The following MGAT5B variants were observed in gnomAD, a reference collection of about 807,000 sequenced individuals.
The protein encoded by MGAT5B is alpha-1,6-mannosylglycoprotein 6-beta-N-acetylglucosaminyltransferase B, also known as N-acetylglucosaminyl-transferase Vb.
In MGAT5B, 54 loss-of-function variants were observed where a neutral mutation model predicts 95.1. That is an observed-to-expected ratio of 0.57 (90% CI 0.46 to 0.71). The LOEUF (loss-of-function observed/expected upper bound fraction) is 0.71. Among genes scored for constraint, MGAT5B ranks in the 30% least tolerant of loss-of-function variants. MGAT5B has a pLI of 0.00. For missense variants in MGAT5B, 935 were observed against 1,088.6 expected, an observed-to-expected ratio of 0.86 and a Z score of 1.99; for synonymous variants, 464 against 451.0, an observed-to-expected ratio of 1.03 and a Z score of -0.36.
At chr17:76,933,349 C>G in intron 12 of MGAT5B, 52 bp downstream of exon 12, 4 of 1,595,338 alleles carry the variant, frequency 2.5e-6, no homozygotes, top group Non-Finnish European at 3.4e-6. Context: ...CCCTTCCCCT[C>G]TCCAGCAGCC....
chr17:76,903,799 G>C (rs1968413106), intron 5 of MGAT5B, among the ~76,000 whole-genome samples: 1 of 152,242 alleles, frequency 6.6e-6, no homozygotes, highest in Non-Finnish European at 1.5e-5. Context: ...CCTAAGGGGT[G>C]GGCGGTGGTG....
chr17:76,906,401 A>G lies in MGAT5B; in HGVS notation c.1025+214A>G, dbSNP rs890989069. ...CTTGGGGGATGTGGCAGGGAAGTGT[A>G]TTTGCATAGCGCTGTCTGGCCAGGG... On this transcript the variant is annotated intron_variant, in intron 8 of 17. Coordinates refer to ENST00000569840, the MANE Select transcript of MGAT5B (RefSeq NM_001199172.2). The surrounding 1 kb of genome is among the most constrained non-coding windows in gnomAD (Gnocchi z 4.6). Among the ~76,000 whole-genome samples, 1 of 151,982 alleles carries G rather than the reference A, an allele frequency of 6.6e-6. No homozygotes were observed. Among genetic ancestry groups the G allele is most frequent in the East Asian group, 1.9e-4 (1 of 5,176 alleles).
chr17:76,892,144 C>T (rs989179092), intron 3 of MGAT5B, among the ~76,000 whole-genome samples: 4 of 152,044 alleles, frequency 2.6e-5, no homozygotes, highest in Non-Finnish European at 4.4e-5. Context: ...ACCTTCTGGG[C>T]TCAAGCAATC....
chr17:76,920,473 A>G (rs1022446973), intron 8 of MGAT5B, among the ~76,000 whole-genome samples: 5 of 152,206 alleles, frequency 3.3e-5, no homozygotes, highest in African/African-American at 9.7e-5. Context: ...AAAATTGCCC[A>G]TGAAAGTAAA....
rs958944843 is a variant in MGAT5B at position 76,912,944 on chromosome 17, C to A, written c.1025+6757C>A. 3.9e-5 allele frequency among the ~76,000 whole-genome samples: 6 copies of A among 152,214 alleles called. No homozygotes were observed. Among genetic ancestry groups the A allele is most frequent in the Non-Finnish European group, 7.3e-5 (5 of 68,038 alleles). ...TCCTGCTTTCCTAGCATCAGCTGTG[C>A]TCATCAATTTTATTTGCACAATTTC... On this transcript the variant is annotated intron_variant, in intron 8 of 17. Coordinates refer to ENST00000569840, the MANE Select transcript of MGAT5B (RefSeq NM_001199172.2). This position sits in a 1 kb window ranked among gnomAD's most constrained non-coding sequence, Gnocchi z 5.0.
chr17:76,877,772 C>A (rs1967247192), intron 2 of MGAT5B, among the ~76,000 whole-genome samples: 1 of 152,108 alleles, frequency 6.6e-6, no homozygotes, highest in African/African-American at 2.4e-5. Context: ...TCTCTGCTTT[C>A]TGGAGAGATG....
At chr17:76,942,518 C>T (rs1230831021) in intron 15 of MGAT5B, among the ~76,000 whole-genome samples, 1 of 152,068 alleles carries the variant, frequency 6.6e-6, no homozygotes, top group African/African-American at 2.4e-5. Context: ...CAGAGCGAGA[C>T]TCCATCTCAA....
Position 76,905,161 on chromosome 17 carries a change from C to A in MGAT5B, c.691-8C>A. On this transcript the variant is annotated splice_region_variant and splice_polypyrimidine_tract_variant and intron_variant, in intron 6 of 17. Transcript: ENST00000569840. This position sits in a 1 kb window ranked among gnomAD's most constrained non-coding sequence, Gnocchi z 4.2. ...AGGGGCAGAGAGCTGAGGTCTGGAC[C>A]CCTCCAGGCAGTTTTCCGAAGCAAC... 1 of 1,604,234 alleles carries A rather than the reference C, an allele frequency of 6.2e-7. No homozygotes were observed. Among genetic ancestry groups the A allele is most frequent in the Middle Eastern group, 1.7e-4 (1 of 6,030 alleles).
At chr17:76,932,334 A>G (rs1009220559) in intron 10 of MGAT5B, among the ~76,000 whole-genome samples, 48 of 151,888 alleles carry the variant, frequency 3.2e-4, no homozygotes, top group South Asian at 1.0e-3. Flanking sequence ...GGGTCTCACT[A>G]TGTTGCCCAG....
chr17:76,924,981 G>T lies in MGAT5B; in HGVS notation c.1041G>T (p.Pro347=), dbSNP rs114240204. The T allele has an allele frequency of 3.1e-6, 5 of 1,611,842 alleles. No homozygotes were observed. The Admixed American group carries it at 5.0e-5, about 16-fold the overall frequency. ...LKELQSNLGV[P]PGRGSCPLTM... ...CTTCTCTCAGTAACTTAGGGGTACC[G>T]CCAGGCCGGGGAAGCTGCCCGCTCA... is the stretch of plus-strand genomic sequence containing the variant. Residue 347 remains proline (P), a synonymous_variant, in exon 9 of 18, where the codon CCG becomes CCT. Transcript: ENST00000569840.
chr17:76,896,369 T>C lies in MGAT5B; in HGVS notation c.330-6186T>C, dbSNP rs1968063931. 2.0e-5 allele frequency among the ~76,000 whole-genome samples: 3 copies of C among 152,366 alleles called. No individual in the cohort carries two copies. In the South Asian group the frequency reaches 6.2e-4, roughly 32 times the overall value. On this transcript the variant is annotated intron_variant, in intron 3 of 17. Coordinates refer to ENST00000569840, the MANE Select transcript of MGAT5B (RefSeq NM_001199172.2). ...TAAATCAGACAGATGCCATCTGCAC[T>C]ATTTAAAGCCTGTGCTGGCGATGGG...
rs778798100 is a variant in MGAT5B, at chr17:76,948,760, C to T, written c.2301C>T (p.Ser767=). 56 of 1,611,090 alleles carry T rather than the reference C, an allele frequency of 3.5e-5. No homozygotes were observed. Among genetic ancestry groups the T allele is most frequent in the Non-Finnish European group, 7.6e-6 (9 of 1,179,150 alleles). Residue 767 remains serine, a synonymous_variant, in exon 18 of 18, where the codon TCC becomes TCT. Coordinates refer to ENST00000569840, the MANE Select transcript of MGAT5B (RefSeq NM_001199172.2). ...CTCTGCTCTTCAGCTGCGCCGGCTC[C>T]AACACCAAGTACCGCCGGCTCTGCC... ...KEPLLFSCAG[S]NTKYRRLCPC...
chr17:76,886,918 C>A (rs1186145458), intron 3 of MGAT5B, among the ~76,000 whole-genome samples: 1 of 152,148 alleles, frequency 6.6e-6, no homozygotes, highest in Non-Finnish European at 1.5e-5. Context: ...GTGGCACATG[C>A]CTGTAGTCTC....
chr17:76,918,007 C>T lies in MGAT5B; in HGVS notation c.1026-6959C>T, dbSNP rs151244463. Among the ~76,000 whole-genome samples the T allele has an allele frequency of 0.016, 2,382 of 152,304 alleles. 48 individuals are homozygous for T. The highest frequency in any genetic ancestry group is 0.054 in the African/African-American group (2,236 of 41,554). On this transcript the variant is annotated intron_variant, in intron 8 of 17. Coordinates refer to ENST00000569840, the MANE Select transcript of MGAT5B (RefSeq NM_001199172.2). The surrounding 1 kb of genome is among the most constrained non-coding windows in gnomAD (Gnocchi z 5.1). ...TTCCTGCAGCCGTGCTGGCAGCCAGCGGGGTGAGTGTGTGGTCTCCTCCAG... is the reference window on the plus strand; with the variant it reads ...TTCCTGCAGCCGTGCTGGCAGCCAGTGGGGTGAGTGTGTGGTCTCCTCCAG...
At chr17:76,909,359 C>G (rs925303471) in intron 8 of MGAT5B, among the ~76,000 whole-genome samples, 1 of 152,236 alleles carries the variant, frequency 6.6e-6, no homozygotes, top group Non-Finnish European at 1.5e-5. Flanking sequence ...CTCCCCACCA[C>G]ATTTGATGAG....
chr17:76,876,171 A>G (rs948974550), intron 2 of MGAT5B, among the ~76,000 whole-genome samples: 17 of 152,168 alleles, frequency 1.1e-4, no homozygotes, highest in African/African-American at 4.1e-4. Context: ...CTGCAAGAGA[A>G]GCCCCTCAAA....
chr17:76,933,160 T>C (rs1969549555), intron 11 of MGAT5B, 132 bp from the exon 12 acceptor site: 1 of 1,092,040 alleles, frequency 9.2e-7, no homozygotes, highest in Non-Finnish European at 1.4e-6. Flanking sequence ...AGGAGAGGCT[T>C]AGAGATTAGA....
chr17:76,918,552 A>AC lies in MGAT5B; in HGVS notation c.1026-6410dup, dbSNP rs1274312540. Among the ~76,000 whole-genome samples the AC allele has an allele frequency of 6.6e-6, 1 of 151,936 alleles. No individual in the cohort carries two copies. The highest frequency in any genetic ancestry group is 2.4e-5 in the African/African-American group (1 of 41,362). On this transcript the variant is annotated intron_variant, in intron 8 of 17. Coordinates refer to ENST00000569840, the MANE Select transcript of MGAT5B (RefSeq NM_001199172.2). The surrounding 1 kb of genome is among the most constrained non-coding windows in gnomAD (Gnocchi z 5.1). ...AATTCTTTCCTCATTAGTGATCCTA[A>AC]CCCCTGCTTCCTAAAGCAGCTCATT... is the stretch of plus-strand genomic sequence containing the variant.
rs1279411476 is a variant in MGAT5B at position 76,905,001 on chromosome 17, G to A, written c.691-168G>A. On this transcript the variant is annotated intron_variant, in intron 6 of 17. Transcript: ENST00000569840. The surrounding 1 kb of genome is among the most constrained non-coding windows in gnomAD (Gnocchi z 4.2). Reference sequence around the variant, plus strand: ...GCTGGGGAGGGTGTGTTGACAGGGCGGGCAGGGCTCCCTGGTTTTGGGGGC... The same window carrying A: ...GCTGGGGAGGGTGTGTTGACAGGGCAGGCAGGGCTCCCTGGTTTTGGGGGC... 6.6e-6 allele frequency among the ~76,000 whole-genome samples: 1 copy of A among 152,202 alleles called. No individual in the cohort carries two copies. The highest frequency in any genetic ancestry group is 1.5e-5 in the Non-Finnish European group (1 of 68,024).
Sources: allele counts gnomAD v4.1 joint callset (sites outside exome capture counted in the v4.1 genomes callset), GRCh38; gene constraint gnomAD v4.1.1; non-coding constraint Gnocchi (gnomAD v3.1); transcripts MANE v1.5; gene names NCBI Gene and HGNC (gene_info 2026-07-23, HGNC 2026-07-21).